The following DAB1 variants were observed in gnomAD, a reference collection of about 807,000 sequenced individuals.
DAB1 encodes the protein disabled homolog 1.
Under a neutral mutation model 64.6 loss-of-function variants are expected in DAB1, and 15 were observed. That is an observed-to-expected ratio of 0.23 (90% CI 0.16 to 0.36). The LOEUF is 0.36. Ranked by LOEUF, DAB1 falls within the 10% of genes least tolerant of loss-of-function variation. The pLI, the probability that DAB1 is intolerant of heterozygous loss-of-function variation, is 1.00. For missense variants in DAB1, 596 were observed against 706.7 expected, an observed-to-expected ratio of 0.84 and a Z score of 1.78; for synonymous variants, 235 against 251.9, an observed-to-expected ratio of 0.93 and a Z score of 0.64.
chr1:57,558,687 A>G (rs1645017342), intron 7 of DAB1, among the ~76,000 whole-genome samples: 1 of 152,206 alleles, frequency 6.6e-6, no homozygotes, highest in South Asian at 2.1e-4. Flanking sequence ...TTAATGTTGC[A>G]GCTTGGGGAG....
chr1:57,847,308 C>T (rs1430551223), intron 1 of DAB1, among the ~76,000 whole-genome samples: 1 of 149,982 alleles, frequency 6.7e-6, no homozygotes, highest in African/African-American at 2.5e-5. Context: ...GATAAGATAG[C>T]CTAGATAGAA....
intron 3 of DAB1, among the ~76,000 whole-genome samples, chr1:58,438,023 G>C (rs1644964207): frequency 6.6e-6 from 1 of 152,180 alleles, no homozygotes; most frequent in Admixed American, 6.5e-5. Context: ...TAGCAGAGGA[G>C]GTCAAGCAAA....
rs542066600 is a variant in DAB1, at chr1:57,081,036, G to A, written c.307-8622C>T. ...ACTACATGTGCATATATGGAAGTTGGGAGCTCCTTATTTTACTAAACATAT... is the reference window on the plus strand; with the variant it reads ...ACTACATGTGCATATATGGAAGTTGAGAGCTCCTTATTTTACTAAACATAT... On this transcript the variant is annotated intron_variant, in intron 4 of 14. Coordinates refer to ENST00000371236, the MANE Select transcript of DAB1 (RefSeq NM_001365792.1). Among the ~76,000 whole-genome samples, 30 of 152,216 alleles carry A rather than the reference G, an allele frequency of 2.0e-4. No homozygotes were observed. In the South Asian group the frequency reaches 3.5e-3, roughly 18 times the overall value.
chr1:57,978,037 T>C (rs12032868), intron 5 of DAB1, among the ~76,000 whole-genome samples: 7,558 of 152,126 alleles, frequency 0.05, 350 homozygotes, highest in East Asian at 0.12. Flanking sequence ...CTACCACTGA[T>C]TTTCTTCACA....
chr1:58,435,086 T>C (rs1644926740), intron 3 of DAB1, among the ~76,000 whole-genome samples: 1 of 152,202 alleles, frequency 6.6e-6, no homozygotes, highest in Non-Finnish European at 1.5e-5. Context: ...ATTGCATTAC[T>C]TGGGACCCCT....
chr1:58,237,464 G>A (rs2100367928), intron 4 of DAB1, among the ~76,000 whole-genome samples: 1 of 152,236 alleles, frequency 6.6e-6, no homozygotes, highest in South Asian at 2.1e-4. Flanking sequence ...CCCTTGGAAA[G>A]TGTTTGACCT....
chr1:57,943,198 G>C (rs1645129145), intron 5 of DAB1, among the ~76,000 whole-genome samples: 1 of 152,180 alleles, frequency 6.6e-6, no homozygotes, highest in Admixed American at 6.5e-5. Context: ...CTAAGTAAGA[G>C]CTGGAGATAT....
At chr1:57,777,682 T>C (rs1372806235) in intron 6 of DAB1, among the ~76,000 whole-genome samples, 1 of 152,096 alleles carries the variant, frequency 6.6e-6, no homozygotes, top group Non-Finnish European at 1.5e-5. Context: ...CCTTTAAGTC[T>C]ATGAACATAT....
At chr1:57,033,330 G>C in intron 9 of DAB1, 1 of 1,543,446 alleles carries the variant, frequency 6.5e-7, no homozygotes, top group South Asian at 1.1e-5. Context: ...AAGAGAATAT[G>C]GAATGCATGA....
At chr1:57,968,542 G>T (rs944778873) in intron 5 of DAB1, among the ~76,000 whole-genome samples, 1 of 152,138 alleles carries the variant, frequency 6.6e-6, no homozygotes, top group African/African-American at 2.4e-5. Flanking sequence ...ATGTTTCGAG[G>T]ATAGGAAGCA....
intron 7 of DAB1, among the ~76,000 whole-genome samples, chr1:57,639,732 C>T (rs573371336): frequency 3.9e-5 from 6 of 152,156 alleles, no homozygotes; most frequent in East Asian, 3.9e-4. Flanking sequence ...CAGACAAGGT[C>T]GCTGCCCTCA....
intron 5 of DAB1, among the ~76,000 whole-genome samples, chr1:58,090,109 A>C (rs546207928): frequency 3.7e-4 from 57 of 152,340 alleles, no homozygotes; most frequent in African/African-American, 1.3e-3. Context: ...TTGTACACCA[A>C]GAAGCAATGT....
At chr1:57,085,442 G>C (rs1415232803) in intron 4 of DAB1, among the ~76,000 whole-genome samples, 2 of 152,172 alleles carry the variant, frequency 1.3e-5, no homozygotes, top group Non-Finnish European at 2.9e-5. Flanking sequence ...GCCCGCTACT[G>C]GCCCAGCTCT....
chr1:57,842,385 C>T (rs1030826765), intron 1 of DAB1, among the ~76,000 whole-genome samples: 10 of 152,186 alleles, frequency 6.6e-5, no homozygotes, highest in Non-Finnish European at 1.0e-4. Context: ...GTTGCAACCT[C>T]TGTCCGTTAC....
At chr1:57,205,269 A>T (rs577900642) in intron 2 of DAB1, among the ~76,000 whole-genome samples, 2 of 152,302 alleles carry the variant, frequency 1.3e-5, no homozygotes, top group Admixed American at 6.5e-5. Context: ...TGAAAGTCCT[A>T]CCCCAGCAGT....
intron 3 of DAB1, among the ~76,000 whole-genome samples, chr1:58,491,421 C>A (rs1041129363): frequency 2.6e-5 from 4 of 152,074 alleles, no homozygotes; most frequent in Non-Finnish European, 5.9e-5. Flanking sequence ...ACAATATTAA[C>A]CTTAAATGTA....
intron 6 of DAB1, among the ~76,000 whole-genome samples, chr1:57,706,989 G>A (rs762979297): frequency 5.9e-5 from 9 of 151,978 alleles, no homozygotes; most frequent in East Asian, 1.9e-4. Flanking sequence ...CTGGAGAATC[G>A]CTTGAACCCG....
At chr1:57,292,363 C>G (rs962168389) in intron 1 of DAB1, among the ~76,000 whole-genome samples, 17 of 152,184 alleles carry the variant, frequency 1.1e-4, no homozygotes, top group Admixed American at 9.8e-4. Flanking sequence ...TATAAGCTAC[C>G]TATTTTTTAA....
At chr1:57,009,109 A>C (rs1484371524) in intron 14 of DAB1, among the ~76,000 whole-genome samples, 2 of 152,218 alleles carry the variant, frequency 1.3e-5, no homozygotes, top group Admixed American at 6.5e-5. Flanking sequence ...GAAGAACTTC[A>C]ATTTTAGGAT....
Sources: allele counts gnomAD v4.1 joint callset (sites outside exome capture counted in the v4.1 genomes callset), GRCh38; gene constraint gnomAD v4.1.1; transcripts MANE v1.5; gene names NCBI Gene and HGNC (gene_info 2026-07-23, HGNC 2026-07-21).